The following RCSD1 variants were observed in gnomAD, a reference collection of about 807,000 sequenced individuals.
RCSD1 encodes capZ-interacting protein.
A neutral mutation model predicts 42.5 loss-of-function variants in RCSD1; 26 were observed. That is an observed-to-expected ratio of 0.61 (90% CI 0.45 to 0.85). The LOEUF (loss-of-function observed/expected upper bound fraction) is 0.85, where lower values mean the gene tolerates loss of function less well. RCSD1 is among the 40% of genes least tolerant of loss of function. The pLI is 0.00. For synonymous variants in RCSD1, 220 were observed against 212.2 expected (o/e 1.04, Z -0.32); for missense variants, 571 against 528.3 (o/e 1.08, Z -0.79).
Position 167,685,311 on chromosome 1 carries a change from T to C in RCSD1, c.109-110T>C. The C allele has an allele frequency of 3.9e-6, 3 of 760,610 alleles. No individual in the cohort carries two copies. In the South Asian group the frequency reaches 5.8e-5, roughly 15 times the overall value. The allele number at this position is 760,610 out of a possible 1,614,324, so 47.1% of individuals were successfully genotyped here. A position where few individuals can be genotyped will look rare whatever the true frequency, so the allele number is the denominator to read the frequency against. On this transcript the variant is annotated intron_variant, in intron 2 of 6. Coordinates refer to ENST00000367854, the MANE Select transcript of RCSD1 (RefSeq NM_052862.4). ...CACTTCCCTAACATCCTAACATTCC[T>C]AAATCCCTAAACCTTCCTGAAACCA... is the stretch of plus-strand genomic sequence containing the variant.
rs527408920 is a variant in RCSD1 at position 167,694,618 on chromosome 1, A to G, written c.474+316A>G. Among the ~76,000 whole-genome samples the G allele has an allele frequency of 2.0e-4, 31 of 152,326 alleles. No homozygotes were observed. The South Asian group carries it at 5.8e-3, about 28-fold the overall frequency. ...GAAATTCAGGATTGATCCCAGCTGC[A>G]TAGTTCATTAATGTCAAAAGCTGAA... On this transcript the variant is annotated intron_variant, in intron 5 of 6. Coordinates refer to ENST00000367854, the MANE Select transcript of RCSD1 (RefSeq NM_052862.4).
At chr1:167,644,272 G>A (rs968683270) in intron 1 of RCSD1, among the ~76,000 whole-genome samples, 1 of 152,282 alleles carries the variant, frequency 6.6e-6, no homozygotes, top group Non-Finnish European at 1.5e-5. Flanking sequence ...CTGAGATCAG[G>A]AGTTTGAGAC....
chr1:167,699,946 A>C (rs1373346980), intron 6 of RCSD1, among the ~76,000 whole-genome samples: 1 of 152,098 alleles, frequency 6.6e-6, no homozygotes, highest in Admixed American at 6.6e-5. Flanking sequence ...CCTCCATCCC[A>C]TCAGTTATTT....
chr1:167,635,958 G>A (rs572572242), intron 1 of RCSD1, among the ~76,000 whole-genome samples: 6 of 152,242 alleles, frequency 3.9e-5, no homozygotes, highest in Non-Finnish European at 8.8e-5. Flanking sequence ...GTAATGCTTC[G>A]GACACAGGAT....
At chr1:167,700,071 A>G (rs1307833368) in intron 6 of RCSD1, among the ~76,000 whole-genome samples, 4 of 152,242 alleles carry the variant, frequency 2.6e-5, no homozygotes, top group Non-Finnish European at 4.4e-5. Context: ...CACCTGCTAC[A>G]GAACCTGGAA....
At chr1:167,688,980 AT>A (rs1398984531) in intron 3 of RCSD1, among the ~76,000 whole-genome samples, 4 of 152,200 alleles carry the variant, frequency 2.6e-5, no homozygotes, top group Non-Finnish European at 5.9e-5. Context: ...CAGAGTTAAT[AT>A]TTTTACATGA....
At chr1:167,642,768 A>G (rs1159553594) in intron 1 of RCSD1, among the ~76,000 whole-genome samples, 1 of 152,206 alleles carries the variant, frequency 6.6e-6, no homozygotes, top group Non-Finnish European at 1.5e-5. Flanking sequence ...TTTTTTCTAC[A>G]TGCAGTTATA....
At chr1:167,672,976 G>A (rs1357189228) in intron 1 of RCSD1, among the ~76,000 whole-genome samples, 1 of 152,108 alleles carries the variant, frequency 6.6e-6, no homozygotes, top group Non-Finnish European at 1.5e-5. Context: ...AGTTGGGATA[G>A]GTAAGGCAGG....
In RCSD1 at chr1:167,670,888, C is replaced by T. The variant is rs546578070; in HGVS notation, c.7-13012C>T. ...TGAGTCCTATCAACAATCTCCCCTCCACTAACCATACCCCCATCCAGGCCA... is the reference window on the plus strand; with the variant it reads ...TGAGTCCTATCAACAATCTCCCCTCTACTAACCATACCCCCATCCAGGCCA... On this transcript the variant is annotated intron_variant, in intron 1 of 6. Coordinates refer to ENST00000367854, the MANE Select transcript of RCSD1 (RefSeq NM_052862.4). Among the ~76,000 whole-genome samples, 5 of 152,290 alleles carry T rather than the reference C, an allele frequency of 3.3e-5. No homozygotes were observed. In the South Asian group the frequency reaches 8.3e-4, roughly 25 times the overall value.
Position 167,707,307 on chromosome 1 carries a change from A to G in RCSD1, c.*2611A>G, listed in dbSNP as rs1437546559. Among the ~76,000 whole-genome samples the G allele has an allele frequency of 6.6e-6, 1 of 152,250 alleles. No individual in the cohort carries two copies. The highest frequency in any genetic ancestry group is 2.4e-5 in the African/African-American group (1 of 41,472). ...CAATAAATAAATGTCAAAGAAATAA[A>G]TGCGTGAAAAGGCAACCAGTTCATC... On this transcript the variant is annotated 3_prime_UTR_variant, in exon 7 of 7. Transcript: ENST00000367854.
Position 167,671,407 on chromosome 1 carries a change from G to A in RCSD1, c.7-12493G>A, listed in dbSNP as rs142206179. Reference sequence around the variant, plus strand: ...CCTTTCAGCCATCCCATTGCCAGAGGTTCTTTCTTTCTTGCCATTTCACCC... The same window carrying A: ...CCTTTCAGCCATCCCATTGCCAGAGATTCTTTCTTTCTTGCCATTTCACCC... On this transcript the variant is annotated intron_variant, in intron 1 of 6. Transcript: ENST00000367854. Among the ~76,000 whole-genome samples, 32 of 152,284 alleles carry A rather than the reference G, an allele frequency of 2.1e-4. No homozygotes were observed. The East Asian group carries it at 5.8e-3, about 28-fold the overall frequency.
At chr1:167,639,600 C>T (rs1028011603) in intron 1 of RCSD1, among the ~76,000 whole-genome samples, 1 of 152,166 alleles carries the variant, frequency 6.6e-6, no homozygotes, top group African/African-American at 2.4e-5. Flanking sequence ...TCAAACGATT[C>T]TCCTGCCTCA....
At chr1:167,675,233 G>T (rs888868353) in intron 1 of RCSD1, among the ~76,000 whole-genome samples, 4 of 103,578 alleles carry the variant, frequency 3.9e-5, no homozygotes, top group African/African-American at 1.8e-4. Context: ...AAAAAAAAAA[G>T]CATACCCAAG....
At chr1:167,670,327 A>G (rs570092058) in intron 1 of RCSD1, among the ~76,000 whole-genome samples, 9 of 135,340 alleles carry the variant, frequency 6.6e-5, no homozygotes, top group African/African-American at 2.5e-4. Context: ...ATGAAGAGAC[A>G]CTTCTTTCCC....
chr1:167,632,516 G>C (rs1159877704), intron 1 of RCSD1, among the ~76,000 whole-genome samples: 1 of 152,148 alleles, frequency 6.6e-6, no homozygotes, highest in Non-Finnish European at 1.5e-5. Context: ...TGTGTGGCTT[G>C]GGGGGTGGAG....
chr1:167,696,988 T>C (rs1659511604), intron 5 of RCSD1, 111 bp from the exon 6 acceptor site: 1 of 949,552 alleles, frequency 1.1e-6, no homozygotes, highest in Non-Finnish European at 1.6e-6. Context: ...AAACGGTCCT[T>C]GCGTGGACTT....
Position 167,707,568 on chromosome 1 carries a change from G to A in RCSD1, c.*2872G>A, listed in dbSNP as rs1571116571. ...ATGGTATTGGTCTCTGCTTTCCCTC[G>A]TATTGGCCATATTCTTTTTTTTTTC... On this transcript the variant is annotated 3_prime_UTR_variant, in exon 7 of 7. Coordinates refer to ENST00000367854, the MANE Select transcript of RCSD1 (RefSeq NM_052862.4). Among the ~76,000 whole-genome samples, 1 of 151,518 alleles carries A rather than the reference G, an allele frequency of 6.6e-6. No individual in the cohort carries two copies. Among genetic ancestry groups the A allele is most frequent in the Middle Eastern group, 3.2e-3 (1 of 316 alleles).
chr1:167,653,588 G>C (rs562789499), intron 1 of RCSD1, among the ~76,000 whole-genome samples: 121 of 152,340 alleles, frequency 7.9e-4, no homozygotes, highest in Non-Finnish European at 1.4e-3. Flanking sequence ...CCTATTACGT[G>C]TTGGCCACTC....
At chr1:167,671,717 T>C (rs904497034) in intron 1 of RCSD1, among the ~76,000 whole-genome samples, 5 of 152,230 alleles carry the variant, frequency 3.3e-5, no homozygotes, top group Non-Finnish European at 5.9e-5. Context: ...CCTGCAGCCA[T>C]AGGCATCTTG....
Sources: gnomAD v4.1 joint callset for allele counts (sites outside exome capture counted in the v4.1 genomes callset) on GRCh38, gnomAD v4.1.1 for gene constraint, MANE v1.5 for transcripts, NCBI Gene and HGNC (gene_info 2026-07-23, HGNC 2026-07-21) for gene names.